The following CAMK4 variants were observed in gnomAD, a reference collection of about 807,000 sequenced individuals.
CAMK4 encodes calcium/calmodulin-dependent protein kinase type IV.
A neutral mutation model predicts 44.9 loss-of-function variants in CAMK4; 22 were observed. That is an observed-to-expected ratio of 0.49 (90% confidence interval 0.35 to 0.70). The LOEUF (loss-of-function observed/expected upper bound fraction) is 0.70, where lower values mean the gene tolerates loss of function less well. Ranked by LOEUF, CAMK4 falls within the 30% of genes least tolerant of loss-of-function variation. The probability of loss-of-function intolerance (pLI) is 0.01; values close to 1 mark genes in which losing one functional copy is unlikely to be tolerated. For synonymous variants in CAMK4, 218 were observed against 215.4 expected (o/e 1.01, Z -0.11); for missense variants, 498 against 586.8 (o/e 0.85, Z 1.56).
intron 5 of CAMK4, among the ~76,000 whole-genome samples, chr5:111,397,394 A>T (rs1399412067): frequency 1.3e-5 from 2 of 152,222 alleles, no homozygotes; most frequent in Non-Finnish European, 2.9e-5. Context: ...TCATTTAAAG[A>T]TTTATTAGAT....
At chr5:111,410,743 A>T (rs1232839787) in intron 5 of CAMK4, among the ~76,000 whole-genome samples, 1 of 152,192 alleles carries the variant, frequency 6.6e-6, no homozygotes, top group African/African-American at 2.4e-5. Flanking sequence ...AGGGGTGTTG[A>T]TAAAATGAAC....
chr5:111,457,975 C>T (rs971626736), intron 7 of CAMK4, among the ~76,000 whole-genome samples: 1 of 152,206 alleles, frequency 6.6e-6, no homozygotes, highest in African/African-American at 2.4e-5. Flanking sequence ...TAACTTTCTA[C>T]TTGACCGGCT....
intron 1 of CAMK4, among the ~76,000 whole-genome samples, chr5:111,228,509 G>GT (rs1748305006): frequency 6.9e-6 from 1 of 145,254 alleles, no homozygotes; most frequent in Non-Finnish European, 1.5e-5. Flanking sequence ...CATAGTAAGG[G>GT]GTGTGTGTGT....
chr5:111,227,384 G>C (rs1748243015), intron 1 of CAMK4, among the ~76,000 whole-genome samples: 1 of 152,156 alleles, frequency 6.6e-6, no homozygotes, highest in Admixed American at 6.5e-5. Context: ...TAGTAATGCA[G>C]TTGTCATTAA....
Position 111,478,518 on chromosome 5 carries a change from C to G in CAMK4, c.828+11C>G, listed in dbSNP as rs751200750. 3 of 1,415,654 alleles carry G rather than the reference C, an allele frequency of 2.1e-6. No homozygotes were observed. The highest frequency in any genetic ancestry group is 2.9e-6 in the Non-Finnish European group (3 of 1,044,352). 87.7% of individuals were successfully genotyped at this position (1,415,654 alleles called of 1,614,324 possible). A position where few individuals can be genotyped will look rare whatever the true frequency, so the allele number is the denominator to read the frequency against. On this transcript the variant is annotated intron_variant, in intron 9 of 10. Coordinates refer to ENST00000282356, the MANE Select transcript of CAMK4 (RefSeq NM_001744.6). ...AATGCCAAGGACTTGGTAAGTGTAA[C>G]CAAAACAAAATGAAACAAAATGAAA...
At chr5:111,292,765 T>C (rs539587223) in intron 1 of CAMK4, among the ~76,000 whole-genome samples, 51 of 151,994 alleles carry the variant, frequency 3.4e-4, no homozygotes, top group African/African-American at 1.2e-3. Flanking sequence ...GTAACAATAA[T>C]AACAAAAAAG....
chr5:111,443,265 TATATATATATATATACACACACACACAC>T (rs1187339823), intron 5 of CAMK4, among the ~76,000 whole-genome samples: 48 of 49,064 alleles, frequency 9.8e-4, no homozygotes, highest in African/African-American at 3.3e-3. Context: ...TATATATATA[TATATATATATATATACACACACACACAC>T]ACACACACAC....
chr5:111,434,861 T>C (rs542362188), intron 5 of CAMK4, among the ~76,000 whole-genome samples: 5 of 152,340 alleles, frequency 3.3e-5, no homozygotes, highest in Non-Finnish European at 7.4e-5. Context: ...GAATACTGTT[T>C]TCTTTCTGTA....
chr5:111,476,759 G>A (rs1028370935), intron 8 of CAMK4, among the ~76,000 whole-genome samples: 11 of 152,104 alleles, frequency 7.2e-5, no homozygotes, highest in African/African-American at 2.2e-4. Context: ...GCAGGACTGG[G>A]CCTTATGATC....
At chr5:111,240,904 G>A (rs1273850744) in intron 1 of CAMK4, among the ~76,000 whole-genome samples, 4 of 152,242 alleles carry the variant, frequency 2.6e-5, no homozygotes, top group South Asian at 2.1e-4. Context: ...AACGATGGTG[G>A]TACAAAGATA....
At chr5:111,335,418 G>A (rs1749360355) in intron 1 of CAMK4, among the ~76,000 whole-genome samples, 1 of 151,238 alleles carries the variant, frequency 6.6e-6, no homozygotes, top group African/African-American at 2.4e-5. Flanking sequence ...CTCAGCTAGT[G>A]GGTGAATAGT....
intron 1 of CAMK4, among the ~76,000 whole-genome samples, chr5:111,312,155 T>C (rs931319215): frequency 2.0e-5 from 3 of 152,146 alleles, no homozygotes; most frequent in Non-Finnish European, 2.9e-5. Context: ...CCCTGCAACC[T>C]GGCCAAATGC....
chr5:111,492,429 C>CAGAG lies in CAMK4; in HGVS notation c.*7965_*7968dup, dbSNP rs1755881693. 6.6e-6 allele frequency: 1 copy of CAGAG among 152,258 alleles called. No homozygotes were observed. Among genetic ancestry groups the CAGAG allele is most frequent in the Middle Eastern group, 3.4e-3 (1 of 294 alleles). The allele number at this position is 152,258 out of a possible 1,614,324, so 9.4% of individuals were successfully genotyped here. A position where few individuals can be genotyped will look rare whatever the true frequency, so the allele number is the denominator to read the frequency against. ...TGCCAGTCCGCATCATTATGTGTAG[C>CAGAG]AGAGACTTTACTGGAATGAGTGAGG... On this transcript the variant is annotated 3_prime_UTR_variant, in exon 11 of 11. Coordinates refer to ENST00000282356, the MANE Select transcript of CAMK4 (RefSeq NM_001744.6).
intron 1 of CAMK4, among the ~76,000 whole-genome samples, chr5:111,313,424 A>C (rs1315716822): frequency 6.6e-6 from 1 of 152,118 alleles, no homozygotes; most frequent in East Asian, 1.9e-4. Flanking sequence ...CTTAAGAAAT[A>C]TGAATATCCA....
chr5:111,310,369 G>A (rs553042672), intron 1 of CAMK4, among the ~76,000 whole-genome samples: 12 of 152,266 alleles, frequency 7.9e-5, no homozygotes, highest in South Asian at 6.2e-4. Flanking sequence ...GTGCTACATC[G>A]TGAGTAAGAC....
At chr5:111,279,676 T>C (rs1447161786) in intron 1 of CAMK4, among the ~76,000 whole-genome samples, 2 of 152,220 alleles carry the variant, frequency 1.3e-5, no homozygotes, top group East Asian at 3.8e-4. Context: ...AAAAGTATGG[T>C]ACTCATTATA....
intron 1 of CAMK4, among the ~76,000 whole-genome samples, chr5:111,227,143 T>C (rs971125941): frequency 6.6e-6 from 1 of 152,218 alleles, no homozygotes; most frequent in African/African-American, 2.4e-5. Flanking sequence ...ATTTTCATTA[T>C]CAGAAATTTT....
At chr5:111,299,879 C>T (rs943353255) in intron 1 of CAMK4, among the ~76,000 whole-genome samples, 4 of 152,050 alleles carry the variant, frequency 2.6e-5, no homozygotes, top group Admixed American at 6.5e-5. Flanking sequence ...GACATAGTAT[C>T]GGTGTTTCTT....
intron 5 of CAMK4, among the ~76,000 whole-genome samples, chr5:111,406,952 T>C (rs924883999): frequency 6.6e-6 from 1 of 152,216 alleles, no homozygotes; most frequent in Non-Finnish European, 1.5e-5. Context: ...AGCTATTCTG[T>C]TAGGTTTCAG....
Sources: gnomAD v4.1 joint callset for allele counts (sites outside exome capture counted in the v4.1 genomes callset) on GRCh38, gnomAD v4.1.1 for gene constraint, MANE v1.5 for transcripts, NCBI Gene and HGNC (gene_info 2026-07-23, HGNC 2026-07-21) for gene names.